The following AOPEP variants were observed in gnomAD, a reference collection of about 807,000 sequenced individuals.
AOPEP encodes the protein aminopeptidase O (putative).
AOPEP carries 77 observed loss-of-function variants against 98.1 expected under a neutral mutation model. That is an observed-to-expected ratio of 0.78 (90% CI 0.65 to 0.95). AOPEP has a LOEUF of 0.95. Ranked by LOEUF, AOPEP falls within the 40% of genes least tolerant of loss-of-function variation. The pLI is 0.00. For missense variants in AOPEP, 1,024 were observed against 1,024.7 expected (o/e 1.00, Z 0.01); for synonymous variants, 346 against 365.3 (o/e 0.95, Z 0.60).
the AOPEP span, chr9:95,149,914 G>C: frequency 6.3e-7 from 1 of 1,590,780 alleles, no homozygotes; most frequent in Non-Finnish European, 8.6e-7. Context: ...GGAAACATTT[G>C]CCACTTACAG....
chr9:94,825,222 G>A (rs969600386), intron 5 of AOPEP, among the ~76,000 whole-genome samples: 4 of 152,216 alleles, frequency 2.6e-5, no homozygotes, highest in African/African-American at 9.7e-5. Context: ...TACTGGATAT[G>A]GTTTTGTGCT....
At chr9:94,789,661 G>A (rs983677918) in intron 3 of AOPEP, among the ~76,000 whole-genome samples, 6 of 152,198 alleles carry the variant, frequency 3.9e-5, no homozygotes, top group East Asian at 3.9e-4. Context: ...AAAAATGGGA[G>A]AGGTGGAGTC....
At chr9:94,810,206 A>G (rs965323367) in intron 5 of AOPEP, 4 of 153,304 alleles carry the variant, frequency 2.6e-5, no homozygotes, top group Non-Finnish European at 4.4e-5. Context: ...ACTTTGGGCA[A>G]GTCACTGGGC....
intron 3 of AOPEP, among the ~76,000 whole-genome samples, chr9:94,779,843 C>G (rs967798718): frequency 1.3e-5 from 2 of 152,144 alleles, no homozygotes; most frequent in Non-Finnish European, 2.9e-5. Context: ...ACTTGTCTTT[C>G]ATCTCCCTGT....
intron 5 of AOPEP, among the ~76,000 whole-genome samples, chr9:94,832,321 ACTTTT>A (rs1262675168): frequency 6.6e-6 from 1 of 152,222 alleles, no homozygotes; most frequent in East Asian, 1.9e-4. Context: ...AAGATGTTCA[ACTTTT>A]CTTATCATAG....
chr9:94,764,542 G>A (rs1227986696), intron 2 of AOPEP, among the ~76,000 whole-genome samples: 1 of 152,196 alleles, frequency 6.6e-6, no homozygotes, highest in Non-Finnish European at 1.5e-5. Flanking sequence ...CAGCCACTTG[G>A]GAGGCTGAGG....
Position 94,983,179 on chromosome 9 carries a change from G to A in AOPEP, c.1977+3752G>A, listed in dbSNP as rs7853107. On this transcript the variant is annotated intron_variant, in intron 11 of 16. Transcript: ENST00000375315. ...AGCAGCCAGGACTACAGGCGGGCAC[G>A]CATGCCTGCTAATTTTTGTATTTTT... Among the ~76,000 whole-genome samples the A allele has an allele frequency of 3.5e-3, 526 of 152,110 alleles. 6 individuals carry two copies. Among genetic ancestry groups the A allele is most frequent in the African/African-American group, 0.012 (492 of 41,496 alleles).
intron 9 of AOPEP, among the ~76,000 whole-genome samples, chr9:94,964,674 C>G (rs1226853829): frequency 1.4e-5 from 2 of 141,284 alleles, no homozygotes; most frequent in Non-Finnish European, 3.0e-5. Context: ...GAGTCTCTCA[C>G]TGTCGCCCAG....
At chr9:94,968,110 A>G (rs897709758) in intron 10 of AOPEP, among the ~76,000 whole-genome samples, 1 of 152,354 alleles carries the variant, frequency 6.6e-6, no homozygotes, top group Middle Eastern at 3.4e-3. Context: ...GAGGAAGGTT[A>G]GAAAACTCAG....
intron 14 of AOPEP, among the ~76,000 whole-genome samples, chr9:95,064,656 T>C (rs1255287832): frequency 6.6e-6 from 1 of 152,218 alleles, no homozygotes; most frequent in African/African-American, 2.4e-5. Context: ...AGCTGGTATT[T>C]ATCTTAATAT....
chr9:95,012,252 T>C (rs1366828125), intron 13 of AOPEP, among the ~76,000 whole-genome samples: 2 of 152,160 alleles, frequency 1.3e-5, no homozygotes, highest in Non-Finnish European at 2.9e-5. Flanking sequence ...AGCACACATA[T>C]CTAATTTAGG....
At chr9:95,064,798 G>A (rs1401075682) in intron 14 of AOPEP, among the ~76,000 whole-genome samples, 1 of 151,994 alleles carries the variant, frequency 6.6e-6, no homozygotes, top group Non-Finnish European at 1.5e-5. Context: ...TTTCATTTGG[G>A]CCAAAAGCAT....
chr9:95,047,150 A>G (rs2065927816), intron 13 of AOPEP, among the ~76,000 whole-genome samples: 1 of 152,352 alleles, frequency 6.6e-6, no homozygotes, highest in African/African-American at 2.4e-5. Context: ...TTATAAATGC[A>G]TGGAATGGGA....
chr9:95,096,542 T>C, the AOPEP span, among the ~76,000 whole-genome samples: 5,213 of 152,206 alleles, frequency 0.034, 264 homozygotes, highest in African/African-American at 0.11. Context: ...TCCGGGCCGG[T>C]GATCCAGGGG....
intron 11 of AOPEP, among the ~76,000 whole-genome samples, chr9:95,001,408 A>G (rs1475523058): frequency 2.0e-5 from 3 of 152,252 alleles, no homozygotes; most frequent in Non-Finnish European, 4.4e-5. Context: ...CAATTCAGAT[A>G]GAAAACATCT....
At chr9:94,928,364 C>T (rs2136990615) in intron 6 of AOPEP, 61 bp from the exon 7 acceptor site, 2 of 1,235,522 alleles carry the variant, frequency 1.6e-6, no homozygotes, top group East Asian at 2.6e-5. Flanking sequence ...AGCCATTGCA[C>T]CAGGACCACA....
chr9:95,011,437 C>A (rs1589256410), intron 13 of AOPEP, among the ~76,000 whole-genome samples: 1 of 152,038 alleles, frequency 6.6e-6, no homozygotes, highest in African/African-American at 2.4e-5. Flanking sequence ...CTCCTGACCT[C>A]GTGATCCGCC....
intron 5 of AOPEP, among the ~76,000 whole-genome samples, chr9:94,841,555 C>T (rs767659203): frequency 9.2e-5 from 14 of 152,140 alleles, no homozygotes; most frequent in Non-Finnish European, 1.8e-4. Context: ...TCTCTTTGAT[C>T]CATGGACTGT....
intron 5 of AOPEP, among the ~76,000 whole-genome samples, chr9:94,809,280 G>A (rs940151619): frequency 1.3e-5 from 2 of 152,182 alleles, no homozygotes; most frequent in Admixed American, 1.3e-4. Flanking sequence ...TTCTAAGAAA[G>A]CCTTTAATAT....
Sources: allele counts gnomAD v4.1 joint callset (sites outside exome capture counted in the v4.1 genomes callset), GRCh38; gene constraint gnomAD v4.1.1; transcripts MANE v1.5; gene names NCBI Gene and HGNC (gene_info 2026-07-23, HGNC 2026-07-21).